ANKMY1: variants seen among roughly 807,000 people sequenced by gnomAD.
ANKMY1 encodes the protein ankyrin repeat and MYND domain containing 1.
ANKMY1 carries 98 observed loss-of-function variants against 102.0 expected under a neutral mutation model. The ratio of observed to expected loss-of-function variants is 0.96; its 90% confidence interval spans 0.82 to 1.14. The LOEUF (loss-of-function observed/expected upper bound fraction) is 1.14. Among genes scored for constraint, ANKMY1 ranks in the 50% most tolerant of loss-of-function variants. The pLI is 0.00. For missense variants in ANKMY1, 1,330 were observed against 1,347.6 expected (o/e 0.99, Z 0.20); for synonymous variants, 582 against 559.9 (o/e 1.04, Z -0.56).
At chr2:240,510,084 GCC>G (rs934533235) in intron 11 of ANKMY1, among the ~76,000 whole-genome samples, 7 of 98,038 alleles carry the variant, frequency 7.1e-5, no homozygotes, top group African/African-American at 8.3e-5. Context: ...CTGCCTCCCT[GCC>G]CCCCTGCTTC....
chr2:240,477,575 G>A (rs1257646498), downstream of ANKMY1, among the ~76,000 whole-genome samples: 1 of 151,796 alleles, frequency 6.6e-6, no homozygotes, highest in Non-Finnish European at 1.5e-5. Flanking sequence ...CTTTTTTTTA[G>A]AGACAGGGTC....
In ANKMY1 at chr2:240,529,248, G is replaced by T. The variant is rs2084679020; in HGVS notation, c.742C>A (p.Leu248Ile). Residue 248 changes from leucine (L) to isoleucine (I), a missense_variant, in exon 5 of 18, where the codon CTT (leucine) becomes ATT (isoleucine). Transcript: ENST00000401804. The surrounding 1 kb of genome is among the most constrained non-coding windows in gnomAD (Gnocchi z 4.2). ...GGCAGCGTTAGGTTGTCATTCAGAAGAAACCGCTTATAGTCATAGAAAAAG... is the reference window on the plus strand; with the variant it reads ...GGCAGCGTTAGGTTGTCATTCAGAATAAACCGCTTATAGTCATAGAAAAAG... ...DPFFYDYKRF[L>I]LNDNLTLPPE... is the part of the protein sequence containing the mutation. 6.2e-7 allele frequency: 1 copy of T among 1,614,206 alleles called. No homozygotes were observed. The highest frequency in any genetic ancestry group is 1.3e-5 in the African/African-American group (1 of 75,050).
chr2:240,500,266 C>T, intron 14 of ANKMY1, 143 bp from the exon 15 acceptor site: 3 of 1,216,304 alleles, frequency 2.5e-6, no homozygotes, highest in Non-Finnish European at 3.4e-6. Context: ...GCTGGGAGCA[C>T]ATACAGCTGC....
intron 15 of ANKMY1, among the ~76,000 whole-genome samples, chr2:240,493,119 C>T (rs943703998): frequency 7.2e-5 from 11 of 151,946 alleles, no homozygotes; most frequent in African/African-American, 2.2e-4. Flanking sequence ...GTCAGGAGTA[C>T]GAGACCAGCC....
At chr2:240,510,418 C>T (rs1257054718) in intron 11 of ANKMY1, among the ~76,000 whole-genome samples, 1 of 152,062 alleles carries the variant, frequency 6.6e-6, no homozygotes, top group Non-Finnish European at 1.5e-5. Flanking sequence ...CCTGTCAGAA[C>T]GTCCCATTGT....
the ANKMY1 span, among the ~76,000 whole-genome samples, chr2:240,469,563 G>A: frequency 1.1e-4 from 16 of 152,318 alleles, no homozygotes; most frequent in African/African-American, 3.8e-4. Flanking sequence ...TGGCCCCAGC[G>A]TCTCCCACAC....
intron 4 of ANKMY1, among the ~76,000 whole-genome samples, chr2:240,533,286 A>G (rs1482095879): frequency 1.3e-5 from 2 of 152,202 alleles, no homozygotes; most frequent in Non-Finnish European, 2.9e-5. Context: ...GAAGAAATGT[A>G]TAACAGGTGG....
At chr2:240,560,591 G>C (rs1283846960), upstream of ANKMY1, 3 of 1,316,620 alleles carry the variant, frequency 2.3e-6, no homozygotes, top group Non-Finnish European at 2.9e-6. Flanking sequence ...GCGCCCGGCG[G>C]CCCGCCCGGC....
chr2:240,471,492 G>A, the ANKMY1 span, among the ~76,000 whole-genome samples: 1 of 152,062 alleles, frequency 6.6e-6, no homozygotes, highest in African/African-American at 2.4e-5. Flanking sequence ...AGAGCAAACT[G>A]AAATGGTCTA....
Position 240,520,034 on chromosome 2 carries a change from C to A in ANKMY1, c.2004+328G>T, listed in dbSNP as rs1271422668. 1 of 540,478 alleles carries A rather than the reference C, an allele frequency of 1.9e-6. No homozygotes were observed. The highest frequency in any genetic ancestry group is 3.7e-6 in the Non-Finnish European group (1 of 271,566). 33.5% of individuals were successfully genotyped at this position (540,478 alleles called of 1,614,324 possible). A position where few individuals can be genotyped will look rare whatever the true frequency, so the allele number is the denominator to read the frequency against. On this transcript the variant is annotated intron_variant, in intron 9 of 17. Transcript: ENST00000401804. The surrounding 1 kb of genome is among the most constrained non-coding windows in gnomAD (Gnocchi z 4.8). ...ATGCTGAGCGTGGGTTGAAAGGAGG[C>A]CCGCCTCCTCCTGAATATAAGTCTC...
intron 15 of ANKMY1, among the ~76,000 whole-genome samples, chr2:240,498,644 G>A (rs1431132170): frequency 1.3e-5 from 2 of 152,056 alleles, no homozygotes; most frequent in Admixed American, 1.3e-4. Context: ...ACACAAGCAT[G>A]CCATGTAGTT....
the ANKMY1 span, among the ~76,000 whole-genome samples, chr2:240,471,705 A>G: frequency 3.9e-5 from 6 of 152,236 alleles, no homozygotes; most frequent in South Asian, 1.0e-3. Context: ...TCCACACACA[A>G]AAGTGCCTTC....
At chr2:240,551,100 G>C (rs1288595927) in intron 4 of ANKMY1, among the ~76,000 whole-genome samples, 1 of 151,834 alleles carries the variant, frequency 6.6e-6, no homozygotes, top group Non-Finnish European at 1.5e-5. Context: ...ATGACACAGG[G>C]CAGGAGCTGA....
intron 15 of ANKMY1, among the ~76,000 whole-genome samples, chr2:240,485,055 G>A (rs572194630): frequency 9.2e-5 from 14 of 152,142 alleles, no homozygotes; most frequent in South Asian, 4.1e-4. Flanking sequence ...ACAGCCAGGC[G>A]CGGTGGCTCA....
At chr2:240,514,418 G>GC (rs2080821911) in intron 9 of ANKMY1, among the ~76,000 whole-genome samples, 1 of 152,114 alleles carries the variant, frequency 6.6e-6, no homozygotes, top group Non-Finnish European at 1.5e-5. Flanking sequence ...CCCTTACACA[G>GC]ACACAGGAGG....
intron 7 of ANKMY1, among the ~76,000 whole-genome samples, chr2:240,525,273 T>A (rs2083125344): frequency 6.6e-6 from 1 of 152,250 alleles, no homozygotes; most frequent in East Asian, 1.9e-4. Context: ...TCTCAGTGAT[T>A]GGCTTTCTGT....
chr2:240,552,962 G>A lies in ANKMY1; in HGVS notation c.432C>T (p.Ser144=), dbSNP rs1559387363. The change falls in exon 4 of 18, where the codon AGC becomes AGT. Residue 144 remains serine (S), a synonymous_variant. Transcript: ENST00000401804. ...GSSFTGTFYL[S]HREGYGTMYM... is the part of the protein sequence containing the mutation. Reference sequence around the variant, plus strand: ...ACATGGTGCCGTAGCCTTCTCGGTGGCTGAGGTAAAATGTGCCCGTGAAAC... The same window carrying A: ...ACATGGTGCCGTAGCCTTCTCGGTGACTGAGGTAAAATGTGCCCGTGAAAC... The A allele has an allele frequency of 5.0e-6, 8 of 1,613,986 alleles. No individual in the cohort carries two copies. Among genetic ancestry groups the A allele is most frequent in the East Asian group, 2.2e-5 (1 of 44,878 alleles).
intron 13 of ANKMY1, among the ~76,000 whole-genome samples, chr2:240,501,268 ATG>A (rs1204760426): frequency 7.2e-5 from 11 of 152,134 alleles, no homozygotes; most frequent in Non-Finnish European, 1.5e-4. Context: ...AAGGGCATGC[ATG>A]TGTGTTTGTG....
upstream of ANKMY1, chr2:240,560,869 G>C (rs114887011): frequency 2.2e-6 from 3 of 1,389,074 alleles, no homozygotes; most frequent in Admixed American, 9.3e-5. Context: ...CGCGCGCCCG[G>C]CGTGGCAGAG....
Sources: gnomAD v4.1 joint callset for allele counts (sites outside exome capture counted in the v4.1 genomes callset) on GRCh38, gnomAD v4.1.1 for gene constraint, Gnocchi (gnomAD v3.1) non-coding constraint, MANE v1.5 for transcripts, NCBI Gene and HGNC (gene_info 2026-07-23, HGNC 2026-07-21) for gene names.